TPCN2: variants seen among roughly 807,000 people sequenced by gnomAD.
TPCN2 encodes the protein two pore segment channel 2, also known as two pore channel protein 2.
Under a neutral mutation model 111.4 loss-of-function variants are expected in TPCN2, and 92 were observed. That is an observed-to-expected ratio of 0.83 (90% CI 0.70 to 0.98). The LOEUF (loss-of-function observed/expected upper bound fraction) is 0.98. Among genes scored for constraint, TPCN2 ranks in the 50% least tolerant of loss-of-function variants. The pLI is 0.00. For missense variants in TPCN2, 995 were observed against 980.1 expected, an observed-to-expected ratio of 1.02 and a Z score of -0.20; for synonymous variants, 405 against 414.5, an observed-to-expected ratio of 0.98 and a Z score of 0.28.
intron 18 of TPCN2, among the ~76,000 whole-genome samples, 179 bp from the exon 19 acceptor site, chr11:69,083,766 G>A (rs1856147201): frequency 6.6e-6 from 1 of 152,118 alleles, no homozygotes; most frequent in Non-Finnish European, 1.5e-5. Flanking sequence ...GGCCTGACAG[G>A]CTGTGTGGGT....
At chr11:69,053,144 G>C (rs1177303037) in intron 1 of TPCN2, among the ~76,000 whole-genome samples, 1 of 152,220 alleles carries the variant, frequency 6.6e-6, no homozygotes, top group African/African-American at 2.4e-5. Flanking sequence ...CCTGGCTTCT[G>C]TGCCGCCTGA....
chr11:69,072,055 G>C (rs751172226), intron 11 of TPCN2, 32 bp downstream of exon 11: 4 of 1,578,236 alleles, frequency 2.5e-6, no homozygotes, highest in Non-Finnish European at 3.5e-6. Context: ...TCTTCTCCCT[G>C]AGGGTGGGTG....
chr11:69,078,704 G>A (rs370150789), intron 14 of TPCN2, 30 bp from the exon 15 acceptor site: 7 of 1,613,708 alleles, frequency 4.3e-6, no homozygotes, highest in Non-Finnish European at 5.9e-6. Flanking sequence ...TGCTGGGCCA[G>A]CCGGCGAGCC....
chr11:69,070,325 A>G, intron 8 of TPCN2, 105 bp from the exon 9 acceptor site: 1 of 893,284 alleles, frequency 1.1e-6, no homozygotes, highest in South Asian at 1.3e-5. Context: ...CACGCTCAGC[A>G]ATGGAGACCT....
intron 6 of TPCN2, among the ~76,000 whole-genome samples, chr11:69,063,414 G>A (rs182062049): frequency 6.6e-6 from 1 of 151,938 alleles, no homozygotes. Context: ...GGAAGCCCTC[G>A]TGGCTCTTGT....
intron 6 of TPCN2, 55 bp from the exon 7 acceptor site, chr11:69,063,840 G>C (rs1855133953): frequency 6.4e-7 from 1 of 1,570,260 alleles, no homozygotes; most frequent in Admixed American, 1.7e-5. Flanking sequence ...AGGCAGGTCA[G>C]GTGTCCCTGC....
At chr11:69,079,783 G>T in intron 16 of TPCN2, 51 bp from the exon 17 acceptor site, 2 of 1,554,838 alleles carry the variant, frequency 1.3e-6, no homozygotes, top group African/African-American at 1.4e-5. Context: ...TTTAAGGGCC[G>T]CCCAGATTAG....
rs889718254 is a variant in TPCN2 at position 69,088,160 on chromosome 11, C to T, written c.*207C>T. 5.5e-6 allele frequency: 3 copies of T among 550,118 alleles called. No individual in the cohort carries two copies. The highest frequency in any genetic ancestry group is 3.8e-5 in the African/African-American group (2 of 52,888). The allele number at this position is 550,118 out of a possible 1,614,324, so 34.1% of individuals were successfully genotyped here. On this transcript the variant is annotated 3_prime_UTR_variant, in exon 25 of 25. Coordinates refer to ENST00000294309, the MANE Select transcript of TPCN2 (RefSeq NM_139075.4). ...AACAGCTGCTGGTGCTTCAGGGAGG[C>T]GCCGTGCCCTCCGCTTTCTTTTATA...
chr11:69,068,290 G>T (rs1318742457), intron 8 of TPCN2, among the ~76,000 whole-genome samples: 2 of 150,170 alleles, frequency 1.3e-5, no homozygotes, highest in South Asian at 2.1e-4. Flanking sequence ...CTGAGTCCTA[G>T]GAAGTGACCG....
At chr11:69,082,224 C>T (rs534254065) in intron 18 of TPCN2, among the ~76,000 whole-genome samples, 1 of 152,330 alleles carries the variant, frequency 6.6e-6, no homozygotes, top group African/African-American at 2.4e-5. Context: ...CACACGTGTT[C>T]ACACATAATT....
At chr11:69,082,416 C>T (rs1856055913) in intron 18 of TPCN2, among the ~76,000 whole-genome samples, 1 of 152,282 alleles carries the variant, frequency 6.6e-6, no homozygotes, top group South Asian at 2.1e-4. Flanking sequence ...TGCACATACA[C>T]ACGTACATTA....
chr11:69,078,408 G>C, intron 13 of TPCN2, 74 bp from the exon 14 acceptor site: 1 of 1,587,704 alleles, frequency 6.3e-7, no homozygotes. Flanking sequence ...AGAATAAGAG[G>C]GTGTGAGCAT....
chr11:69,084,938 T>A (rs892079800), intron 19 of TPCN2: 12 of 471,400 alleles, frequency 2.5e-5, no homozygotes, highest in Non-Finnish European at 3.3e-5. Flanking sequence ...GTCCCCTAAC[T>A]GTGGCTGCCA....
chr11:69,063,888 C>G lies in TPCN2; in HGVS notation c.654-7C>G. The G allele has an allele frequency of 1.9e-6, 3 of 1,613,560 alleles. No individual in the cohort carries two copies. The highest frequency in any genetic ancestry group is 1.7e-6 in the Non-Finnish European group (2 of 1,179,822). On this transcript the variant is annotated splice_polypyrimidine_tract_variant and splice_region_variant and intron_variant, in intron 6 of 24. Transcript: ENST00000294309. ...TGGCCCAGGCTGAGTGCCGTGCTCT[C>G]CCCCAGCGTCGGGCTGCTGCTGGCC...
intron 24 of TPCN2, 35 bp downstream of exon 24, chr11:69,087,241 C>T (rs1276452031): frequency 6.3e-7 from 1 of 1,597,226 alleles, no homozygotes; most frequent in Non-Finnish European, 8.6e-7. Context: ...TGTCTGGCCC[C>T]CTGGGATGGG....
In TPCN2 at chr11:69,084,141, A is replaced by G. The variant is rs1856167010; in HGVS notation, c.1761+125A>G. On this transcript the variant is annotated intron_variant, in intron 19 of 24. Transcript: ENST00000294309. The stretch of plus-strand genomic sequence containing the variant: ...AGGAAGGTTCTTGGGTTCGGACGGC[A>G]GCAGGTTCCTGAGGCCAGGGAAGTA... 30 of 950,192 alleles carry G rather than the reference A, an allele frequency of 3.2e-5. 2 individuals are homozygous for G. The South Asian group carries it at 4.2e-4, about 13-fold the overall frequency. The allele number at this position is 950,192 out of a possible 1,614,324, so 58.9% of individuals were successfully genotyped here. A position where few individuals can be genotyped will look rare whatever the true frequency, so the allele number is the denominator to read the frequency against.
At chr11:69,066,333 A>G (rs1418618548) in intron 7 of TPCN2, among the ~76,000 whole-genome samples, 1 of 152,144 alleles carries the variant, frequency 6.6e-6, no homozygotes, top group Non-Finnish European at 1.5e-5. Flanking sequence ...GCTGAGGCCC[A>G]GGAGGGGCCC....
intron 5 of TPCN2, among the ~76,000 whole-genome samples, chr11:69,061,518 C>T (rs1483352458): frequency 6.6e-6 from 1 of 152,186 alleles, no homozygotes; most frequent in Admixed American, 6.5e-5. Flanking sequence ...GGACTGAATC[C>T]AGGTGTGAGG....
intron 8 of TPCN2, 136 bp downstream of exon 8, chr11:69,067,741 A>T: frequency 3.1e-6 from 2 of 645,168 alleles, no homozygotes; most frequent in Non-Finnish European, 5.2e-6. Context: ...AAAGGGTGAC[A>T]TTTTCCTTCC....
Sources: gnomAD v4.1 joint callset for allele counts (sites outside exome capture counted in the v4.1 genomes callset) on GRCh38, gnomAD v4.1.1 for gene constraint, MANE v1.5 for transcripts, NCBI Gene and HGNC (gene_info 2026-07-23, HGNC 2026-07-21) for gene names.